Variants in GRM3 observed in about 807,000 individuals in gnomAD.
GRM3 encodes metabotropic glutamate receptor 3.
A neutral mutation model predicts 70.5 loss-of-function variants in GRM3; 26 were observed. The observed-to-expected ratio is 0.37, with a 90% CI of 0.27 to 0.51. The LOEUF (loss-of-function observed/expected upper bound fraction) is 0.51. Among genes scored for constraint, GRM3 ranks in the 20% least tolerant of loss-of-function variants. The pLI, the probability that GRM3 is intolerant of heterozygous loss-of-function variation, is 0.93. For synonymous variants in GRM3, 443 were observed against 434.9 expected, an observed-to-expected ratio of 1.02 and a Z score of -0.23; for missense variants, 859 against 1,123.8, an observed-to-expected ratio of 0.76 and a Z score of 3.37.
At chr7:86,781,068 C>A (rs933875009) in intron 2 of GRM3, among the ~76,000 whole-genome samples, 4 of 152,232 alleles carry the variant, frequency 2.6e-5, no homozygotes, top group Admixed American at 1.3e-4. Context: ...GATCTCTATG[C>A]ACTCTTTACC....
intron 1 of GRM3, among the ~76,000 whole-genome samples, chr7:86,670,621 A>G (rs940386140): frequency 6.6e-6 from 1 of 152,122 alleles, no homozygotes; most frequent in Non-Finnish European, 1.5e-5. Context: ...TGACTGTTGT[A>G]TTACTAGAGT....
At chr7:86,744,708 G>A (rs1166123026) in intron 1 of GRM3, among the ~76,000 whole-genome samples, 1 of 152,086 alleles carries the variant, frequency 6.6e-6, no homozygotes, top group Non-Finnish European at 1.5e-5. Flanking sequence ...GCATGAACAG[G>A]TGAATAAGGA....
At chr7:86,859,135 T>G (rs1562884550) in intron 5 of GRM3, among the ~76,000 whole-genome samples, 1 of 152,172 alleles carries the variant, frequency 6.6e-6, no homozygotes, top group Non-Finnish European at 1.5e-5. Flanking sequence ...CCAGCTAAAT[T>G]TTTTTAGAGA....
chr7:86,712,614 T>C (rs1396181093), intron 1 of GRM3, among the ~76,000 whole-genome samples: 1 of 152,018 alleles, frequency 6.6e-6, no homozygotes, highest in Non-Finnish European at 1.5e-5. Context: ...TTTGTATCCA[T>C]CATCAACCTC....
At chr7:86,751,003 A>C (rs780519185) in intron 1 of GRM3, among the ~76,000 whole-genome samples, 2 of 152,122 alleles carry the variant, frequency 1.3e-5, no homozygotes, top group Non-Finnish European at 2.9e-5. Context: ...AGAAGTGGAT[A>C]TATGAAATAT....
At chr7:86,691,979 T>G (rs1358975816) in intron 1 of GRM3, among the ~76,000 whole-genome samples, 1 of 152,224 alleles carries the variant, frequency 6.6e-6, no homozygotes, top group Non-Finnish European at 1.5e-5. Flanking sequence ...TCAGAGTTAT[T>G]TTCTCTATCT....
At chr7:86,762,252 G>A (rs1197246374) in intron 1 of GRM3, among the ~76,000 whole-genome samples, 1 of 151,958 alleles carries the variant, frequency 6.6e-6, no homozygotes, top group Non-Finnish European at 1.5e-5. Context: ...AGACTTTCTG[G>A]TACCCTGTGG....
intron 3 of GRM3, among the ~76,000 whole-genome samples, chr7:86,787,567 A>G (rs768014624): frequency 6.6e-6 from 1 of 152,172 alleles, no homozygotes; most frequent in Non-Finnish European, 1.5e-5. Flanking sequence ...AGAGAGAGAG[A>G]GAGAGAGAGA....
At chr7:86,687,155 AAG>A (rs1198849283) in intron 1 of GRM3, among the ~76,000 whole-genome samples, 7 of 152,000 alleles carry the variant, frequency 4.6e-5, no homozygotes, top group Non-Finnish European at 8.8e-5. Context: ...GAGCACTAGA[AAG>A]AGAGAACATA....
intron 2 of GRM3, among the ~76,000 whole-genome samples, chr7:86,776,396 T>A (rs1253504115): frequency 6.6e-6 from 1 of 152,168 alleles, no homozygotes; most frequent in Non-Finnish European, 1.5e-5. Flanking sequence ...TTCTTTTGTG[T>A]CTGACAGCTC....
At chr7:86,809,348 T>C (rs12537893) in intron 3 of GRM3, among the ~76,000 whole-genome samples, 3 of 152,068 alleles carry the variant, frequency 2.0e-5, no homozygotes, top group Admixed American at 2.0e-4. Context: ...AGACTTCCCA[T>C]CATACAATTG....
chr7:86,667,927 G>A (rs1054204543), intron 1 of GRM3, among the ~76,000 whole-genome samples: 2 of 152,066 alleles, frequency 1.3e-5, no homozygotes, highest in South Asian at 4.1e-4. Flanking sequence ...GCAGACACCG[G>A]AGGGAGCCAA....
At chr7:86,672,094 A>G (rs1031741215) in intron 1 of GRM3, among the ~76,000 whole-genome samples, 2 of 152,192 alleles carry the variant, frequency 1.3e-5, no homozygotes, top group African/African-American at 2.4e-5. Flanking sequence ...GCCAGGTCAC[A>G]TAAATTAAAT....
At chr7:86,677,974 T>A (rs367906563) in intron 1 of GRM3, among the ~76,000 whole-genome samples, 4 of 151,948 alleles carry the variant, frequency 2.6e-5, no homozygotes, top group South Asian at 2.1e-4. Flanking sequence ...AAAAGGAGAC[T>A]AGTAAATAAA....
chr7:86,725,393 C>T (rs563698551), intron 1 of GRM3, among the ~76,000 whole-genome samples: 63 of 152,202 alleles, frequency 4.1e-4, no homozygotes, highest in Admixed American at 1.4e-3. Context: ...GCATGATAGC[C>T]TCAGGGTAGT....
chr7:86,646,003 G>GAGGGAGTTTA (rs1793457625), intron 1 of GRM3, among the ~76,000 whole-genome samples: 1 of 58,952 alleles, frequency 1.7e-5, no homozygotes, highest in Non-Finnish European at 3.4e-5. Flanking sequence ...GGGGGTGGGG[G>GAGGGAGTTTA]GGTGGGGGGG....
chr7:86,651,097 G>T (rs1432549380), intron 1 of GRM3, among the ~76,000 whole-genome samples: 1 of 152,152 alleles, frequency 6.6e-6, no homozygotes, highest in Admixed American at 6.5e-5. Flanking sequence ...TGTTGGTAGT[G>T]CTGCTCCAGG....
At chr7:86,690,076 G>T (rs17607262) in intron 1 of GRM3, among the ~76,000 whole-genome samples, 44,378 of 151,806 alleles carry the variant, frequency 0.29, 8,379 homozygotes, top group East Asian at 0.72. Flanking sequence ...GGATAAAAAA[G>T]TTTCCACGAC....
At chr7:86,776,629 T>A (rs1796899039) in intron 2 of GRM3, among the ~76,000 whole-genome samples, 1 of 152,186 alleles carries the variant, frequency 6.6e-6, no homozygotes, top group African/African-American at 2.4e-5. Context: ...TGCCTTTTGT[T>A]ATTGATAAGG....
Sources: gnomAD v4.1 joint callset for allele counts (sites outside exome capture counted in the v4.1 genomes callset) on GRCh38, gnomAD v4.1.1 for gene constraint, MANE v1.5 for transcripts, NCBI Gene and HGNC (gene_info 2026-07-23, HGNC 2026-07-21) for gene names.